ADAMTSL1: variants seen among roughly 807,000 people sequenced by gnomAD.
ADAMTSL1 encodes the protein ADAMTS like 1, also known as ADAMTS-like protein 1.
A neutral mutation model predicts 201.8 loss-of-function variants in ADAMTSL1; 126 were observed. That is an observed-to-expected ratio of 0.62 (90% CI 0.54 to 0.72). The LOEUF (loss-of-function observed/expected upper bound fraction) is 0.72. Ranked by LOEUF, ADAMTSL1 falls within the 30% of genes least tolerant of loss-of-function variation. The pLI is 0.00. For missense variants in ADAMTSL1, 2,679 were observed against 2,277.8 expected, an observed-to-expected ratio of 1.18 and a Z score of -3.59; for synonymous variants, 1,121 against 903.4, an observed-to-expected ratio of 1.24 and a Z score of -4.32.
chr9:18,453,725 G>A (rs1820501038), intron 2 of ADAMTSL1, among the ~76,000 whole-genome samples: 1 of 152,076 alleles, frequency 6.6e-6, no homozygotes, highest in Non-Finnish European at 1.5e-5. Context: ...AAATAATTTA[G>A]CCAATTTCTT....
intron 2 of ADAMTSL1, among the ~76,000 whole-genome samples, chr9:18,286,524 T>C (rs1484531882): frequency 6.6e-6 from 1 of 152,158 alleles, no homozygotes; most frequent in Non-Finnish European, 1.5e-5. Flanking sequence ...AGAACTTGCA[T>C]CCAAAGATAA....
intron 2 of ADAMTSL1, among the ~76,000 whole-genome samples, chr9:18,178,219 A>G (rs10756946): frequency 0.64 from 97,475 of 152,096 alleles, 31,251 homozygotes; most frequent in Admixed American, 0.66. Context: ...CTTGGGAAGC[A>G]CAAGGGGTCA....
At chr9:18,046,391 T>C (rs1342180140) in intron 1 of ADAMTSL1, among the ~76,000 whole-genome samples, 1 of 152,124 alleles carries the variant, frequency 6.6e-6, no homozygotes, top group Non-Finnish European at 1.5e-5. Flanking sequence ...CCACATACAT[T>C]TCAGTCAGCA....
chr9:17,919,983 A>G (rs1292922740), intron 1 of ADAMTSL1, among the ~76,000 whole-genome samples: 1 of 152,128 alleles, frequency 6.6e-6, no homozygotes, highest in African/African-American at 2.4e-5. Flanking sequence ...ACTATCACTT[A>G]TTAGTATCTG....
chr9:18,285,616 A>G (rs1279678059), intron 2 of ADAMTSL1, among the ~76,000 whole-genome samples: 1 of 152,066 alleles, frequency 6.6e-6, no homozygotes, highest in Non-Finnish European at 1.5e-5. Flanking sequence ...AATTATATAT[A>G]AGGAACCTTG....
intron 7 of ADAMTSL1, 102 bp downstream of exon 7, chr9:18,639,513 A>G: frequency 1.4e-6 from 2 of 1,394,628 alleles, no homozygotes; most frequent in Non-Finnish European, 1.9e-6. Flanking sequence ...ATATGTTTGG[A>G]AAGCCCGTTT....
intron 13 of ADAMTSL1, among the ~76,000 whole-genome samples, chr9:18,688,661 A>AAAAAAG (rs1564152472): frequency 7.3e-5 from 1 of 13,756 alleles, no homozygotes. Flanking sequence ...GAGCATTTCA[A>AAAAAAG]AAAAAAAAAA....
chr9:18,307,200 A>C (rs1292463333), intron 2 of ADAMTSL1, among the ~76,000 whole-genome samples: 2 of 152,160 alleles, frequency 1.3e-5, no homozygotes, highest in African/African-American at 2.4e-5. Flanking sequence ...GGAAGCTCTA[A>C]ATATGAAAAG....
At chr9:18,460,467 G>C (rs1820768396) in intron 2 of ADAMTSL1, among the ~76,000 whole-genome samples, 1 of 152,272 alleles carries the variant, frequency 6.6e-6, no homozygotes, top group Non-Finnish European at 1.5e-5. Context: ...AGGTTTTATG[G>C]CTGGAGAGAG....
At chr9:18,443,321 C>G (rs1820068518) in intron 2 of ADAMTSL1, among the ~76,000 whole-genome samples, 1 of 152,194 alleles carries the variant, frequency 6.6e-6, no homozygotes, top group Non-Finnish European at 1.5e-5. Context: ...AGCTGACAAC[C>G]TTTTATGATC....
chr9:18,368,610 C>T (rs930990323), intron 2 of ADAMTSL1, among the ~76,000 whole-genome samples: 1 of 152,156 alleles, frequency 6.6e-6, no homozygotes, highest in African/African-American at 2.4e-5. Flanking sequence ...AGTCTGCCTC[C>T]AAAGTTTGCC....
At chr9:18,760,883 C>T (rs1230850167) in intron 16 of ADAMTSL1, among the ~76,000 whole-genome samples, 1 of 152,224 alleles carries the variant, frequency 6.6e-6, no homozygotes, top group Admixed American at 6.5e-5. Context: ...TAGAGCTTCC[C>T]TAATTTTCCC....
At chr9:18,614,025 A>G (rs1322598528) in intron 4 of ADAMTSL1, among the ~76,000 whole-genome samples, 1 of 152,212 alleles carries the variant, frequency 6.6e-6, no homozygotes, top group East Asian at 1.9e-4. Flanking sequence ...AGTGCCTGAG[A>G]AAGAGTGTTA....
At chr9:17,922,476 A>G (rs1268700555) in intron 1 of ADAMTSL1, among the ~76,000 whole-genome samples, 2 of 152,142 alleles carry the variant, frequency 1.3e-5, no homozygotes, top group African/African-American at 4.8e-5. Context: ...TTCTGATTCA[A>G]TAGGACTAGG....
At chr9:18,504,685 A>G in intron 1 of ADAMTSL1, 144 bp from the exon 2 acceptor site, 1 of 1,192,048 alleles carries the variant, frequency 8.4e-7, no homozygotes, top group East Asian at 2.4e-5. Flanking sequence ...TATGAAATGG[A>G]AAAGAATCCG....
intron 1 of ADAMTSL1, among the ~76,000 whole-genome samples, chr9:18,151,661 C>A (rs1235491349): frequency 1.3e-5 from 2 of 152,008 alleles, no homozygotes; most frequent in African/African-American, 4.8e-5. Flanking sequence ...TAGGTTAGGG[C>A]CCCTGGCCTT....
At chr9:18,047,930 T>G (rs543320884) in intron 1 of ADAMTSL1, among the ~76,000 whole-genome samples, 1 of 152,246 alleles carries the variant, frequency 6.6e-6, no homozygotes, top group East Asian at 1.9e-4. Flanking sequence ...ATCTGAGTCC[T>G]CCACCCAGAG....
intron 2 of ADAMTSL1, among the ~76,000 whole-genome samples, chr9:18,373,140 A>T (rs1245463991): frequency 1.3e-5 from 2 of 152,154 alleles, no homozygotes; most frequent in African/African-American, 4.8e-5. Flanking sequence ...CAACTCTATG[A>T]TTTAATTACT....
intron 1 of ADAMTSL1, among the ~76,000 whole-genome samples, chr9:17,999,584 C>T (rs982946016): frequency 1.3e-5 from 2 of 150,742 alleles, no homozygotes; most frequent in Non-Finnish European, 3.0e-5. Flanking sequence ...TAGTGTGCCC[C>T]CCAGAAAATA....
Sources: gnomAD v4.1 joint callset for allele counts (sites outside exome capture counted in the v4.1 genomes callset) on GRCh38, gnomAD v4.1.1 for gene constraint, MANE v1.5 for transcripts, NCBI Gene and HGNC (gene_info 2026-07-23, HGNC 2026-07-21) for gene names.